The following SCOC variants were observed in gnomAD, a reference collection of about 807,000 sequenced individuals.
The protein encoded by SCOC is short coiled coil protein.
In SCOC, 7 loss-of-function variants were observed where a neutral mutation model predicts 9.9. That is an observed-to-expected ratio of 0.71 (90% CI 0.40 to 1.33). The LOEUF is 1.33. Among genes scored for constraint, SCOC ranks in the 40% most tolerant of loss-of-function variants. The pLI is 0.01. For synonymous variants in SCOC, 19 were observed against 28.2 expected (o/e 0.67, Z 1.03); for missense variants, 66 against 89.7 (o/e 0.74, Z 1.07).
chr4:140,260,105 C>T (rs1162797994), intron 1 of SCOC, among the ~76,000 whole-genome samples: 1 of 152,202 alleles, frequency 6.6e-6, no homozygotes, highest in Non-Finnish European at 1.5e-5. Context: ...TGTCCCATGA[C>T]ATTTTCCCTA....
chr4:140,311,224 C>T (rs1732147398), intron 1 of SCOC, among the ~76,000 whole-genome samples: 1 of 152,130 alleles, frequency 6.6e-6, no homozygotes, highest in South Asian at 2.1e-4. Flanking sequence ...CAACAGACCC[C>T]TATCTCTTAA....
chr4:140,377,075 C>G (rs1728374512), intron 1 of SCOC, among the ~76,000 whole-genome samples: 1 of 152,208 alleles, frequency 6.6e-6, no homozygotes, highest in East Asian at 1.9e-4. Flanking sequence ...TTGCTGAGCA[C>G]TCCCACGATC....
chr4:140,383,146 TGTA>T lies in SCOC; in HGVS notation c.*2045_*2047del, dbSNP rs1728622043. The T allele has an allele frequency of 6.6e-6, 1 of 152,192 alleles. No homozygotes were observed. The highest frequency in any genetic ancestry group is 6.5e-5 in the Admixed American group (1 of 15,278). The allele number at this position is 152,192 out of a possible 1,614,324, so 9.4% of individuals were successfully genotyped here. A position where few individuals can be genotyped will look rare whatever the true frequency, so the allele number is the denominator to read the frequency against. On this transcript the variant is annotated 3_prime_UTR_variant, in exon 4 of 4. Transcript: ENST00000608372. ...TCTAGATACAAGAGGAGCTGAGAAA[TGTA>T]GTCCCTGGCTGGGAAGCCATCTTCC...
At chr4:140,283,940 T>C (rs1731160168) in intron 1 of SCOC, 1 of 152,160 alleles carries the variant, frequency 6.6e-6, no homozygotes, top group South Asian at 2.1e-4. Context: ...AATCTAAAGC[T>C]TTGTGGATAA....
rs138128581 is a variant in SCOC, at chr4:140,320,161, C to T, written c.-18-23460C>T. The stretch of plus-strand genomic sequence containing the variant: ...ATAAAACAGATTGCAGTAAAGAAGC[C>T]GGCTAAAACCCACCAAAACCAAGAT... On this transcript the variant is annotated intron_variant, in intron 1 of 4. Coordinates refer to the SCOC transcript ENST00000394205. Among the ~76,000 whole-genome samples, 32 of 152,196 alleles carry T rather than the reference C, an allele frequency of 2.1e-4. No individual in the cohort carries two copies. In the East Asian group the frequency reaches 3.5e-3, roughly 17 times the overall value.
intron 1 of SCOC, among the ~76,000 whole-genome samples, chr4:140,286,574 C>A (rs966099975): frequency 6.6e-6 from 1 of 152,226 alleles, no homozygotes; most frequent in Admixed American, 6.5e-5. Context: ...AATGAGCCAG[C>A]CTGCTCATTT....
chr4:140,372,165 T>C (rs1321188694), upstream of SCOC, among the ~76,000 whole-genome samples: 1 of 152,236 alleles, frequency 6.6e-6, no homozygotes, highest in East Asian at 1.9e-4. Flanking sequence ...TTTGGCAAGA[T>C]GAAAAGAGAG....
chr4:140,327,651 C>T (rs919329496), intron 1 of SCOC, among the ~76,000 whole-genome samples: 3 of 152,174 alleles, frequency 2.0e-5, no homozygotes, highest in Non-Finnish European at 4.4e-5. Flanking sequence ...GTTTGAAATG[C>T]TTGACAACTA....
At chr4:140,336,148 C>G (rs955093060) in intron 1 of SCOC, among the ~76,000 whole-genome samples, 2 of 152,060 alleles carry the variant, frequency 1.3e-5, no homozygotes, top group African/African-American at 2.4e-5. Context: ...TTTATTCATA[C>G]TATGTAGAGA....
chr4:140,291,028 G>C (rs955100736), intron 1 of SCOC, among the ~76,000 whole-genome samples: 1 of 152,154 alleles, frequency 6.6e-6, no homozygotes, highest in Non-Finnish European at 1.5e-5. Flanking sequence ...TTTTCTCACT[G>C]GGAACTTGCC....
chr4:140,280,713 T>C (rs1731078802), intron 1 of SCOC, among the ~76,000 whole-genome samples: 1 of 152,238 alleles, frequency 6.6e-6, no homozygotes, highest in Admixed American at 6.5e-5. Flanking sequence ...TCTGTATATA[T>C]CACCTTATAA....
rs553294172 is a variant in SCOC at position 140,377,106 on chromosome 4, C to A, written c.-50-2015C>A. On this transcript the variant is annotated intron_variant, in intron 1 of 3. Transcript: ENST00000608372. ...CGATCACTTTTGCTTTTGGCTGTTG[C>A]CTCTCTCATCTTACTCAGACCTCTT... Among the ~76,000 whole-genome samples, 15 of 152,302 alleles carry A rather than the reference C, an allele frequency of 9.8e-5. No individual in the cohort carries two copies. The South Asian group carries it at 2.7e-3, about 27-fold the overall frequency.
At chr4:140,296,735 G>A (rs1240175884) in intron 1 of SCOC, among the ~76,000 whole-genome samples, 1 of 151,906 alleles carries the variant, frequency 6.6e-6, no homozygotes, top group Non-Finnish European at 1.5e-5. Context: ...AACACTGATT[G>A]TCTGAAGAGA....
At chr4:140,324,625 A>G (rs1732593802) in intron 1 of SCOC, among the ~76,000 whole-genome samples, 1 of 152,180 alleles carries the variant, frequency 6.6e-6, no homozygotes, top group African/African-American at 2.4e-5. Context: ...GTATAAGTCT[A>G]TTAAAACATG....
intron 1 of SCOC, among the ~76,000 whole-genome samples, chr4:140,276,994 C>G (rs575329133): frequency 6.6e-6 from 1 of 152,302 alleles, no homozygotes; most frequent in East Asian, 1.9e-4. Flanking sequence ...AATTTGCAAA[C>G]TTAAACTGAA....
intron 1 of SCOC, among the ~76,000 whole-genome samples, chr4:140,316,173 G>A (rs947832026): frequency 6.6e-6 from 1 of 152,106 alleles, no homozygotes; most frequent in African/African-American, 2.4e-5. Flanking sequence ...AGATGTGAAT[G>A]GGAGGATAGT....
chr4:140,319,503 A>G, intron 1 of SCOC, among the ~76,000 whole-genome samples: 1 of 152,168 alleles, frequency 6.6e-6, no homozygotes, highest in East Asian at 1.9e-4. Flanking sequence ...ACATACAGAA[A>G]AGAAAAAAAA....
At chr4:140,271,942 G>A (rs1393424318) in intron 1 of SCOC, among the ~76,000 whole-genome samples, 2 of 152,158 alleles carry the variant, frequency 1.3e-5, no homozygotes, top group Non-Finnish European at 2.9e-5. Context: ...GCCTGTCTGT[G>A]TGGTGAAATT....
chr4:140,337,531 T>C (rs867081149), intron 1 of SCOC, among the ~76,000 whole-genome samples: 15 of 152,158 alleles, frequency 9.9e-5, no homozygotes, highest in Middle Eastern at 3.4e-3. Context: ...CAAACATCTA[T>C]GGCCAATTGA....
Sources: gnomAD v4.1 joint callset for allele counts (sites outside exome capture counted in the v4.1 genomes callset) on GRCh38, gnomAD v4.1.1 for gene constraint, MANE v1.5 for transcripts, NCBI Gene and HGNC (gene_info 2026-07-23, HGNC 2026-07-21) for gene names.